The following JAKMIP3 variants were observed in gnomAD, a reference collection of about 807,000 sequenced individuals.
The protein encoded by JAKMIP3 is Janus kinase and microtubule interacting protein 3, also known as janus kinase and microtubule-interacting protein 3.
In JAKMIP3, 58 loss-of-function variants were observed where a neutral mutation model predicts 118.5. The ratio of observed to expected loss-of-function variants is 0.49; its 90% CI spans 0.40 to 0.61. The LOEUF is 0.61. Ranked by LOEUF, JAKMIP3 falls within the 20% of genes least tolerant of loss-of-function variation. The pLI, the probability that JAKMIP3 is intolerant of heterozygous loss-of-function variation, is 0.00. For synonymous variants in JAKMIP3, 486 were observed against 451.2 expected (o/e 1.08, Z -0.98); for missense variants, 950 against 1,109.0 (o/e 0.86, Z 2.04).
At chr10:132,102,877 G>T (rs879809) in intron 1 of JAKMIP3, among the ~76,000 whole-genome samples, 15,674 of 152,110 alleles carry the variant, frequency 0.1, 1,020 homozygotes, top group Admixed American at 0.23. Flanking sequence ...CAGGAGTAGG[G>T]GGGGAGGGCT....
rs540431197 is a variant in JAKMIP3 at position 132,065,947 on chromosome 10, T to C, written c.-252T>C. Among the ~76,000 whole-genome samples, 78 of 152,236 alleles carry C rather than the reference T, an allele frequency of 5.1e-4. 1 individual carries two copies. Among genetic ancestry groups the C allele is most frequent in the South Asian group, 4.1e-4 (2 of 4,824 alleles). On this transcript the variant is annotated 5_prime_UTR_variant, in exon 1 of 24. Coordinates refer to ENST00000684848, the MANE Select transcript of JAKMIP3 (RefSeq NM_001323087.2). This position sits in a 1 kb window ranked among gnomAD's most constrained non-coding sequence, Gnocchi z 5.6. ...AAAAGCCGAGCTCTTTGCTGAGTCA[T>C]AGAAGCTCGGAGCTGATTTGCGCAA...
In JAKMIP3 at chr10:132,149,429, A is replaced by T. The variant is rs541684963; in HGVS notation, c.1866A>T (p.Ser622=). Reference sequence around the variant, plus strand: ...TGTCCTAGGAGAGGGAGAGGAAGTCACCCGCCATCAGCTTCCACCACACGC... The same window carrying T: ...TGTCCTAGGAGAGGGAGAGGAAGTCTCCCGCCATCAGCTTCCACCACACGC... ...ILELEERERK[S]PAISFHHTPF... Residue 622 remains serine, a synonymous_variant, in exon 15 of 24, where the codon TCA becomes TCT. Coordinates refer to ENST00000684848, the MANE Select transcript of JAKMIP3 (RefSeq NM_001323087.2). 3 of 1,598,714 alleles carry T rather than the reference A, an allele frequency of 1.9e-6. No homozygotes were observed. Among genetic ancestry groups the T allele is most frequent in the South Asian group, 2.3e-5 (2 of 88,438 alleles).
intron 23 of JAKMIP3, among the ~76,000 whole-genome samples, chr10:132,180,572 T>TAC: frequency 6.8e-5 from 2 of 29,436 alleles, no homozygotes; most frequent in South Asian, 2.3e-3. Flanking sequence ...TGTGTGCGTG[T>TAC]GTGTGTGCGT....
intron 1 of JAKMIP3, among the ~76,000 whole-genome samples, chr10:132,092,434 A>C (rs1245834295): frequency 6.6e-6 from 1 of 152,206 alleles, no homozygotes; most frequent in Admixed American, 6.5e-5. Context: ...CTTTTCACAT[A>C]GTCCCATATT....
intron 20 of JAKMIP3, among the ~76,000 whole-genome samples, chr10:132,163,848 G>A (rs1051705701): frequency 5.9e-5 from 9 of 152,240 alleles, no homozygotes; most frequent in Non-Finnish European, 1.2e-4. Context: ...GTTTCCTGAT[G>A]GCAAGGATGT....
At chr10:132,160,250 A>C (rs796787294) in intron 19 of JAKMIP3, among the ~76,000 whole-genome samples, 94 of 1,200 alleles carry the variant, frequency 0.078, no homozygotes, top group Admixed American at 0.13. Context: ...GGGGCCTCTC[A>C]CTGTGTGATG....
chr10:132,119,193 C>CA (rs548530032), intron 3 of JAKMIP3, among the ~76,000 whole-genome samples: 1 of 151,066 alleles, frequency 6.6e-6, no homozygotes, highest in Non-Finnish European at 1.5e-5. Flanking sequence ...TCCGTACAGG[C>CA]TTTTTTTTTG....
chr10:132,152,976 C>A lies in JAKMIP3; in HGVS notation c.2026C>A (p.Gln676Lys). ...NAVSNLTNEE[Q>K]VVVIQARTVL... The stretch of plus-strand genomic sequence containing the variant: ...GGTGCAGAACCTGACCAATGAGGAG[C>A]AGGTGGTTGTCATACAAGCCAGGAC... The change falls in exon 17 of 24, where the codon CAG (glutamine) becomes AAG (lysine). Residue 676 changes from glutamine to lysine, a missense_variant. Transcript: ENST00000684848. 6.2e-7 allele frequency: 1 copy of A among 1,607,982 alleles called. No individual in the cohort carries two copies. The highest frequency in any genetic ancestry group is 8.5e-7 in the Non-Finnish European group (1 of 1,177,686).
In JAKMIP3 at chr10:132,112,459, C is replaced by T. The variant is rs1187743406; in HGVS notation, c.136-4618C>T. Among the ~76,000 whole-genome samples the T allele has an allele frequency of 6.6e-6, 1 of 152,174 alleles. No individual in the cohort carries two copies. The highest frequency in any genetic ancestry group is 1.5e-5 in the Non-Finnish European group (1 of 68,030). On this transcript the variant is annotated intron_variant, in intron 2 of 23. Coordinates refer to ENST00000684848, the MANE Select transcript of JAKMIP3 (RefSeq NM_001323087.2). The surrounding 1 kb of genome is among the most constrained non-coding windows in gnomAD (Gnocchi z 4.3). The stretch of plus-strand genomic sequence containing the variant: ...CCTGCTTCCAGAACATTCCATCCCG[C>T]CTCTGTTCTTTCGGGCTGTTAGGTT...
At position 132,118,497 on chromosome 10, in the gene JAKMIP3, T is replaced by C. The variant is rs1337225964; in HGVS notation, c.633+923T>C. Among the ~76,000 whole-genome samples the C allele has an allele frequency of 6.6e-6, 1 of 152,168 alleles. No homozygotes were observed. Among genetic ancestry groups the C allele is most frequent in the Non-Finnish European group, 1.5e-5 (1 of 68,024 alleles). On this transcript the variant is annotated intron_variant, in intron 3 of 23. Transcript: ENST00000684848. The surrounding 1 kb of genome is among the most constrained non-coding windows in gnomAD (Gnocchi z 4.8). ...TTTCCACGGGGCGTGGCTGTGCACCTGGGGCAGCCTCCCTCTGCCTGCTTC... is the reference window on the plus strand; with the variant it reads ...TTTCCACGGGGCGTGGCTGTGCACCCGGGGCAGCCTCCCTCTGCCTGCTTC...
chr10:132,147,932 A>C lies in JAKMIP3; in HGVS notation c.1750-20A>C. 6.4e-7 allele frequency: 1 copy of C among 1,550,420 alleles called. No individual in the cohort carries two copies. Among genetic ancestry groups the C allele is most frequent in the Non-Finnish European group, 8.8e-7 (1 of 1,133,586 alleles). The stretch of plus-strand genomic sequence containing the variant: ...GAGAGAGAACCAGACCCCTCACCTC[A>C]TGCATCTTTTATGTTGCAGATCAAA... On this transcript the variant is annotated intron_variant, in intron 13 of 23. Transcript: ENST00000684848.
intron 1 of JAKMIP3, among the ~76,000 whole-genome samples, chr10:132,048,468 T>C (rs2037995254): frequency 6.6e-6 from 1 of 152,206 alleles, no homozygotes; most frequent in South Asian, 2.1e-4. Context: ...TGGATACTTA[T>C]TCCATGGGCT....
intron 1 of JAKMIP3, among the ~76,000 whole-genome samples, chr10:132,076,462 C>A (rs977782615): frequency 6.6e-6 from 1 of 152,290 alleles, no homozygotes; most frequent in Non-Finnish European, 1.5e-5. Context: ...GTCACGTTGC[C>A]GTGAACATAC....
intron 1 of JAKMIP3, among the ~76,000 whole-genome samples, chr10:132,048,475 G>T (rs559782298): frequency 1.3e-5 from 2 of 152,200 alleles, no homozygotes; most frequent in East Asian, 3.9e-4. Flanking sequence ...TTATTCCATG[G>T]GCTAAAATCC....
At chr10:132,180,997 G>T (rs924716538) in intron 23 of JAKMIP3, among the ~76,000 whole-genome samples, 1 of 120,340 alleles carries the variant, frequency 8.3e-6, no homozygotes, top group Non-Finnish European at 2.1e-5. Flanking sequence ...AGTGTATTGT[G>T]TGTACATGCA....
chr10:132,043,246 C>A (rs960826602), intron 1 of JAKMIP3, among the ~76,000 whole-genome samples: 1 of 151,964 alleles, frequency 6.6e-6, no homozygotes, highest in African/African-American at 2.4e-5. Flanking sequence ...ACTCTGTCAC[C>A]CAGGCTGGAG....
At chr10:132,092,368 A>C (rs186549351) in intron 1 of JAKMIP3, among the ~76,000 whole-genome samples, 1 of 152,168 alleles carries the variant, frequency 6.6e-6, no homozygotes, top group South Asian at 2.1e-4. Flanking sequence ...GTGTTTTCCA[A>C]CTTGGTTCCA....
intron 2 of JAKMIP3, among the ~76,000 whole-genome samples, chr10:132,115,910 G>A (rs531559635): frequency 1.8e-4 from 27 of 152,254 alleles, no homozygotes; most frequent in Non-Finnish European, 3.1e-4. Context: ...AAGTATGGCC[G>A]TGTCCAGCCA....
Position 132,118,082 on chromosome 10 carries a change from C to A in JAKMIP3, c.633+508C>A, listed in dbSNP as rs989334475. ...CTCACAGGATCCAGAGAGGCGAGAT[C>A]AGGAGGCCCCGGGGGGTGGGATGGC... On this transcript the variant is annotated intron_variant, in intron 3 of 23. Transcript: ENST00000684848. The surrounding 1 kb of genome is among the most constrained non-coding windows in gnomAD (Gnocchi z 4.8). 6.6e-6 allele frequency among the ~76,000 whole-genome samples: 1 copy of A among 152,182 alleles called. No homozygotes were observed. Among genetic ancestry groups the A allele is most frequent in the African/African-American group, 2.4e-5 (1 of 41,438 alleles).
Sources: gnomAD v4.1 joint callset for allele counts (sites outside exome capture counted in the v4.1 genomes callset) on GRCh38, gnomAD v4.1.1 for gene constraint, Gnocchi (gnomAD v3.1) non-coding constraint, MANE v1.5 for transcripts, NCBI Gene and HGNC (gene_info 2026-07-23, HGNC 2026-07-21) for gene names.